MAPT: variants seen among roughly 807,000 people sequenced by gnomAD.
MAPT encodes microtubule associated protein tau.
MAPT carries 34 observed loss-of-function variants against 67.9 expected under a neutral mutation model. The observed-to-expected ratio is 0.50, with a 90% CI of 0.38 to 0.67. The LOEUF is 0.67. Among genes scored for constraint, MAPT ranks in the 30% least tolerant of loss-of-function variants. MAPT has a pLI of 0.00. For synonymous variants in MAPT, 456 were observed against 464.5 expected, an observed-to-expected ratio of 0.98 and a Z score of 0.23; for missense variants, 881 against 1,115.2, an observed-to-expected ratio of 0.79 and a Z score of 2.99.
intron 6 of MAPT, among the ~76,000 whole-genome samples, chr17:45,989,447 G>A (rs1361719978): frequency 3.3e-5 from 5 of 152,210 alleles, no homozygotes; most frequent in Admixed American, 2.6e-4. Flanking sequence ...TCAGGAGATC[G>A]AGACCATCCT....
At chr17:46,006,211 G>A (rs2075397742) in intron 9 of MAPT, among the ~76,000 whole-genome samples, 1 of 152,132 alleles carries the variant, frequency 6.6e-6, no homozygotes, top group African/African-American at 2.4e-5. Context: ...CAGACAAATG[G>A]ATAAAGAAAA....
chr17:45,922,486 AAC>A (rs59017604), intron 1 of MAPT, among the ~76,000 whole-genome samples: 4,115 of 146,266 alleles, frequency 0.028, 50 homozygotes, highest in African/African-American at 0.049. Flanking sequence ...CTAGCTAGAG[AAC>A]ACACACACAC....
At chr17:45,927,765 C>T in intron 1 of MAPT, among the ~76,000 whole-genome samples, 1 of 151,982 alleles carries the variant, frequency 6.6e-6, no homozygotes, top group Non-Finnish European at 1.5e-5. Flanking sequence ...CTTTGGGAGG[C>T]CAAGGTGGGT....
intron 1 of MAPT, among the ~76,000 whole-genome samples, chr17:45,919,195 A>G (rs1560313): frequency 0.53 from 81,225 of 152,008 alleles, 22,024 homozygotes; most frequent in Non-Finnish European, 0.56. Flanking sequence ...TTGCTGCAGC[A>G]CCGCTCAGCC....
chr17:45,999,701 A>G (rs1322685234), intron 9 of MAPT: 1 of 1,527,904 alleles, frequency 6.5e-7, no homozygotes, highest in African/African-American at 1.4e-5. Flanking sequence ...TTATGACGTC[A>G]CCATGCTGGG....
chr17:45,951,915 G>GGA (rs145267550), intron 1 of MAPT, among the ~76,000 whole-genome samples: 4 of 151,488 alleles, frequency 2.6e-5, no homozygotes, highest in East Asian at 3.9e-4. Context: ...AGAGAGAGGA[G>GGA]GAGAGAGAGA....
intron 1 of MAPT, among the ~76,000 whole-genome samples, chr17:45,932,561 C>T (rs1427336341): frequency 7.4e-6 from 1 of 134,624 alleles, no homozygotes; most frequent in Non-Finnish European, 1.5e-5. Context: ...CACCATTGCA[C>T]TTCAGCCTGG....
At chr17:45,910,972 CAGTT>C (rs1480561872) in intron 1 of MAPT, among the ~76,000 whole-genome samples, 5 of 152,194 alleles carry the variant, frequency 3.3e-5, no homozygotes, top group African/African-American at 1.2e-4. Context: ...TTAAAGCAGA[CAGTT>C]AGGTAACACA....
At chr17:46,008,663 T>C (rs1206511463) in intron 9 of MAPT, among the ~76,000 whole-genome samples, 1 of 152,060 alleles carries the variant, frequency 6.6e-6, no homozygotes, top group African/African-American at 2.4e-5. Flanking sequence ...CTATTGAAGA[T>C]TCAGACAAGT....
At chr17:45,969,645 G>A (rs868828309) in intron 2 of MAPT, among the ~76,000 whole-genome samples, 2 of 128,988 alleles carry the variant, frequency 1.6e-5, no homozygotes, top group African/African-American at 5.5e-5. Flanking sequence ...TTCTTCCCTC[G>A]GTTCATCCAT....
chr17:45,909,085 C>T (rs1176464063), intron 1 of MAPT, among the ~76,000 whole-genome samples: 1 of 152,234 alleles, frequency 6.6e-6, no homozygotes, highest in African/African-American at 2.4e-5. Context: ...AGAGTGCGGG[C>T]ACCTTGGCAC....
chr17:45,903,873 A>G (rs1597839255), intron 1 of MAPT, among the ~76,000 whole-genome samples: 1 of 50,924 alleles, frequency 2.0e-5, no homozygotes, highest in Non-Finnish European at 3.5e-5. Flanking sequence ...ATTATATATT[A>G]TATATTTATA....
chr17:45,998,466 G>C (rs755939549), intron 9 of MAPT, among the ~76,000 whole-genome samples: 5 of 152,220 alleles, frequency 3.3e-5, no homozygotes, highest in Admixed American at 6.5e-5. Flanking sequence ...AGGACAGACA[G>C]TGGCTCCCCT....
intron 7 of MAPT, 77 bp from the exon 8 acceptor site, chr17:45,991,383 G>A (rs2145764705): frequency 6.3e-7 from 1 of 1,590,204 alleles, no homozygotes. Flanking sequence ...AGGTGGCGGA[G>A]TGGGGCTGGT....
At chr17:45,904,213 A>G (rs1597850701) in intron 1 of MAPT, among the ~76,000 whole-genome samples, 1 of 42,584 alleles carries the variant, frequency 2.3e-5, no homozygotes, top group East Asian at 8.1e-4. Flanking sequence ...CTAATATATT[A>G]TATATATTAT....
intron 9 of MAPT, among the ~76,000 whole-genome samples, chr17:45,997,755 G>A (rs192346793): frequency 6.6e-6 from 1 of 152,240 alleles, no homozygotes; most frequent in Non-Finnish European, 1.5e-5. Flanking sequence ...GCGAGACTCT[G>A]TCTCAAAACA....
At chr17:45,966,483 C>T (rs115359456) in intron 2 of MAPT, among the ~76,000 whole-genome samples, 1,809 of 152,002 alleles carry the variant, frequency 0.012, 44 homozygotes, top group African/African-American at 0.039. Flanking sequence ...CAGCTACTTG[C>T]GGGGCTGAGG....
chr17:45,953,517 A>G (rs1416848290), intron 1 of MAPT, among the ~76,000 whole-genome samples: 7 of 152,218 alleles, frequency 4.6e-5, no homozygotes, highest in African/African-American at 1.7e-4. Context: ...CTTCCCATGC[A>G]TTCCACTTTT....
chr17:45,973,849 G>C (rs1219886386), intron 3 of MAPT: 1 of 159,362 alleles, frequency 6.3e-6, no homozygotes, highest in East Asian at 1.8e-4. Flanking sequence ...CTGCACTTTT[G>C]AATTGTGGGT....
Sources: allele counts gnomAD v4.1 joint callset (sites outside exome capture counted in the v4.1 genomes callset), GRCh38; gene constraint gnomAD v4.1.1; transcripts MANE v1.5; gene names NCBI Gene and HGNC (gene_info 2026-07-23, HGNC 2026-07-21).